Variants in EEF2K observed in about 807,000 individuals in gnomAD.
EEF2K encodes the protein eukaryotic elongation factor 2 kinase, also known as alternative protein EEF2K.
EEF2K carries 70 observed loss-of-function variants against 93.8 expected under a neutral mutation model. The ratio of observed to expected loss-of-function variants is 0.75; its 90% CI spans 0.62 to 0.91. The LOEUF (loss-of-function observed/expected upper bound fraction) is 0.91, where lower values mean the gene tolerates loss of function less well. EEF2K is among the 40% of genes least tolerant of loss of function. The pLI is 0.00. For missense variants in EEF2K, 935 were observed against 972.9 expected (o/e 0.96, Z 0.52); for synonymous variants, 376 against 380.8 (o/e 0.99, Z 0.15).
At position 22,251,230 on chromosome 16, in the gene EEF2K, G is replaced by T. The variant is rs768912029; in HGVS notation, c.526G>T (p.Val176Leu). 1.2e-6 allele frequency: 2 copies of T among 1,613,996 alleles called. No homozygotes were observed. The highest frequency in any genetic ancestry group is 2.2e-5 in the South Asian group (2 of 91,084). ...NYVAKRYIEPVDRDVYFEDVR... is the reference protein window; with the variant it reads ...NYVAKRYIEPLDRDVYFEDVR... ...CGTGGCGAAGCGCTACATCGAGCCC[G>T]TAGACCGGGATGTGTACTTTGAGGA... The change falls in exon 6 of 18, where the codon GTA becomes TTA. Residue 176 changes from valine (V) to leucine (L), a missense_variant. Transcript: ENST00000263026.
chr16:22,254,211 T>G lies in EEF2K; in HGVS notation c.619-2537T>G, dbSNP rs150041349. ...GTTTGAGAAGGTGCTGGTTGTCCACTGTGGCTGTACCACTGCCCCTCGCCC... is the reference window on the plus strand; with the variant it reads ...GTTTGAGAAGGTGCTGGTTGTCCACGGTGGCTGTACCACTGCCCCTCGCCC... On this transcript the variant is annotated intron_variant, in intron 6 of 17. Transcript: ENST00000263026. Among the ~76,000 whole-genome samples, 857 of 152,274 alleles carry G rather than the reference T, an allele frequency of 5.6e-3. 35 individuals are homozygous for G. The highest frequency in any genetic ancestry group is 0.046 in the Admixed American group (707 of 15,276).
At chr16:22,255,111 C>T (rs560728566) in intron 6 of EEF2K, among the ~76,000 whole-genome samples, 1 of 152,164 alleles carries the variant, frequency 6.6e-6, no homozygotes, top group Non-Finnish European at 1.5e-5. Context: ...CTCCTTTTTG[C>T]ATCAATAAGT....
At chr16:22,267,986 C>A (rs1295793660) in intron 15 of EEF2K, among the ~76,000 whole-genome samples, 1 of 152,074 alleles carries the variant, frequency 6.6e-6, no homozygotes. Context: ...GCCAACGTTG[C>A]GCATGGACAG....
intron 1 of EEF2K, among the ~76,000 whole-genome samples, chr16:22,214,606 A>C (rs1049414481): frequency 2.6e-5 from 4 of 151,824 alleles, no homozygotes; most frequent in Non-Finnish European, 5.9e-5. Context: ...TGGAGGCTGC[A>C]GTGAGCTATG....
intron 9 of EEF2K, 27 bp downstream of exon 9, chr16:22,257,797 G>A (rs1412898689): frequency 1.2e-6 from 2 of 1,608,986 alleles, no homozygotes; most frequent in African/African-American, 2.7e-5. Flanking sequence ...ACCCTGCTTG[G>A]CCTGGCAGGC....
intron 1 of EEF2K, among the ~76,000 whole-genome samples, chr16:22,218,636 G>A (rs1427331586): frequency 6.6e-6 from 1 of 152,154 alleles, no homozygotes; most frequent in Non-Finnish European, 1.5e-5. Flanking sequence ...GCTTTGCTAC[G>A]AGCCAGACGT....
intron 15 of EEF2K, among the ~76,000 whole-genome samples, chr16:22,267,576 C>T (rs1380731518): frequency 6.7e-6 from 1 of 149,846 alleles, no homozygotes; most frequent in Non-Finnish European, 1.5e-5. Flanking sequence ...GCCTGGGCGA[C>T]AGAGTGAGAT....
In EEF2K at chr16:22,242,281, G is replaced by A. The variant is rs150581223; in HGVS notation, c.247-2349G>A. ...TCTATTTTGAGCAGGACCCAGTGCT[G>A]GGGATGAGGTGAAGCCCTGTTTGGG... On this transcript the variant is annotated intron_variant, in intron 2 of 17. Coordinates refer to ENST00000263026, the MANE Select transcript of EEF2K (RefSeq NM_013302.5). 2.3e-3 allele frequency among the ~76,000 whole-genome samples: 355 copies of A among 152,244 alleles called. 3 individuals carry two copies. Among genetic ancestry groups the A allele is most frequent in the Middle Eastern group, 0.014 (4 of 294 alleles).
At position 22,248,809 on chromosome 16, in the gene EEF2K, A is replaced by G; in HGVS notation, c.402A>G (p.Ala134=). The change falls in exon 4 of 18, where the codon GCA becomes GCG. Residue 134 remains alanine (A), a synonymous_variant. Coordinates refer to ENST00000263026, the MANE Select transcript of EEF2K (RefSeq NM_013302.5). ...WLDDEVLIKM[A]SQPFGRGAMR... ...ATGATGAAGTTCTGATCAAGATGGC[A>G]TCTCAGGTGAGCAGAGCGTTGAGCC... 1 of 1,613,998 alleles carries G rather than the reference A, an allele frequency of 6.2e-7. No homozygotes were observed. Among genetic ancestry groups the G allele is most frequent in the Non-Finnish European group, 8.5e-7 (1 of 1,179,922 alleles).
chr16:22,221,960 C>T (rs1212789714), intron 1 of EEF2K, among the ~76,000 whole-genome samples: 1 of 152,048 alleles, frequency 6.6e-6, no homozygotes, highest in Non-Finnish European at 1.5e-5. Flanking sequence ...ATCCCAGCTA[C>T]TCGGGAGGCT....
chr16:22,252,653 A>G (rs1179423959), intron 6 of EEF2K, among the ~76,000 whole-genome samples: 1 of 152,210 alleles, frequency 6.6e-6, no homozygotes. Context: ...AGCGGAAGAA[A>G]GAGCTGGGAA....
chr16:22,269,978 G>A (rs958095733), intron 15 of EEF2K, among the ~76,000 whole-genome samples: 1 of 147,492 alleles, frequency 6.8e-6, no homozygotes. Flanking sequence ...TTTAATTTGA[G>A]ACAGAATCTC....
At chr16:22,215,487 A>C (rs976864349) in intron 1 of EEF2K, among the ~76,000 whole-genome samples, 2 of 152,172 alleles carry the variant, frequency 1.3e-5, no homozygotes, top group African/African-American at 4.8e-5. Flanking sequence ...TGGTCCTTTC[A>C]TTCTGATGTA....
rs779203453 is a variant in EEF2K, at chr16:22,285,805, C to T, written c.*1809C>T. On this transcript the variant is annotated 3_prime_UTR_variant, in exon 18 of 18. Transcript: ENST00000263026. ...TTCATTAAAATGGGTCCTTCAACACCTTAGTGGGGTTTGTTGTTGTTGCTT... is the reference window on the plus strand; with the variant it reads ...TTCATTAAAATGGGTCCTTCAACACTTTAGTGGGGTTTGTTGTTGTTGCTT... 3 of 152,534 alleles carry T rather than the reference C, an allele frequency of 2.0e-5. No homozygotes were observed. The highest frequency in any genetic ancestry group is 1.3e-4 in the Admixed American group (2 of 15,290). The allele number at this position is 152,534 out of a possible 1,614,324, so 9.4% of individuals were successfully genotyped here. A position where few individuals can be genotyped will look rare whatever the true frequency, so the allele number is the denominator to read the frequency against.
intron 3 of EEF2K, among the ~76,000 whole-genome samples, chr16:22,246,736 G>T (rs2047296416): frequency 1.3e-5 from 2 of 151,458 alleles, no homozygotes; most frequent in South Asian, 4.2e-4. Flanking sequence ...GTCTCCTTAA[G>T]CAAGCCATTG....
At position 22,287,012 on chromosome 16, in the gene EEF2K, T is replaced by C. The variant is rs1264033981; in HGVS notation, c.*3016T>C. On this transcript the variant is annotated 3_prime_UTR_variant, in exon 18 of 18. Transcript: ENST00000263026. ...AAGCAAATGCTTCTTTAAGGGCCCTTAAAAGTGAAAAGTAACTTGCAAGAG... is the reference window on the plus strand; with the variant it reads ...AAGCAAATGCTTCTTTAAGGGCCCTCAAAAGTGAAAAGTAACTTGCAAGAG... 3 of 152,272 alleles carry C rather than the reference T, an allele frequency of 2.0e-5. No homozygotes were observed. Among genetic ancestry groups the C allele is most frequent in the Non-Finnish European group, 4.4e-5 (3 of 68,074 alleles). 9.4% of individuals were successfully genotyped at this position (152,272 alleles called of 1,614,324 possible).
At chr16:22,245,741 T>C (rs1169996499) in intron 3 of EEF2K, among the ~76,000 whole-genome samples, 6 of 152,086 alleles carry the variant, frequency 3.9e-5, no homozygotes, top group Non-Finnish European at 8.8e-5. Flanking sequence ...CCCTGAACCC[T>C]CTCCAAGCTC....
chr16:22,248,777 T>C lies in EEF2K; in HGVS notation c.370T>C (p.Trp124Arg). The change falls in exon 4 of 18, where the codon TGG becomes CGG. Residue 124 changes from tryptophan (W) to arginine (R), a missense_variant. Transcript: ENST00000263026. ...CAGGTACAACGCCGTCACCGGGGAA[T>C]GGCTGGATGATGAAGTTCTGATCAA... ...RHRYNAVTGE[W>R]LDDEVLIKMA... is the part of the protein sequence containing the mutation. The C allele has an allele frequency of 6.2e-7, 1 of 1,613,974 alleles. No individual in the cohort carries two copies. Among genetic ancestry groups the C allele is most frequent in the Non-Finnish European group, 8.5e-7 (1 of 1,179,944 alleles).
In EEF2K at chr16:22,225,295, C is replaced by T. The variant is rs1046681386; in HGVS notation, c.-76-359C>T. 3.3e-5 allele frequency among the ~76,000 whole-genome samples: 5 copies of T among 152,118 alleles called. No individual in the cohort carries two copies. The East Asian group carries it at 9.6e-4, about 29-fold the overall frequency. On this transcript the variant is annotated intron_variant, in intron 1 of 17. Transcript: ENST00000263026. ...CGCAGCTCTTGCAGCCTTACCAAGGCATTTGGATTTTATTATGAATGTGAA... is the reference window on the plus strand; with the variant it reads ...CGCAGCTCTTGCAGCCTTACCAAGGTATTTGGATTTTATTATGAATGTGAA...
Sources: gnomAD v4.1 joint callset for allele counts (sites outside exome capture counted in the v4.1 genomes callset) on GRCh38, gnomAD v4.1.1 for gene constraint, MANE v1.5 for transcripts, NCBI Gene and HGNC (gene_info 2026-07-23, HGNC 2026-07-21) for gene names.